Variants in HMCN1 observed in about 807,000 individuals in gnomAD.
HMCN1 encodes hemicentin 1, also known as hemicentin-1.
HMCN1 carries 321 observed loss-of-function variants against 625.9 expected under a neutral mutation model. The observed-to-expected ratio is 0.51, with a 90% CI of 0.47 to 0.56. The LOEUF is 0.56. Among genes scored for constraint, HMCN1 ranks in the 20% least tolerant of loss-of-function variants. HMCN1 has a pLI of 0.00. For missense variants in HMCN1, 6,588 were observed against 6,887.3 expected (o/e 0.96, Z 1.54); for synonymous variants, 2,425 against 2,417.6 (o/e 1.00, Z -0.09).
intron 1 of HMCN1, among the ~76,000 whole-genome samples, chr1:185,822,440 A>G (rs1373592564): frequency 6.6e-6 from 1 of 152,116 alleles, no homozygotes; most frequent in African/African-American, 2.4e-5. Flanking sequence ...GAGGCCCCCA[A>G]AACACCCAAA....
chr1:185,782,483 A>G (rs1200127219), intron 1 of HMCN1, among the ~76,000 whole-genome samples: 3 of 152,158 alleles, frequency 2.0e-5, no homozygotes, highest in Non-Finnish European at 4.4e-5. Flanking sequence ...AGTGGTTGGT[A>G]TCAGTTGTTT....
At chr1:186,036,654 G>A (rs571453712) in intron 36 of HMCN1, among the ~76,000 whole-genome samples, 10 of 151,180 alleles carry the variant, frequency 6.6e-5, no homozygotes, top group East Asian at 5.9e-4. Context: ...GCAATGGCAC[G>A]ATCTCAGCTC....
At chr1:185,975,507 C>T (rs1351889104) in intron 15 of HMCN1, among the ~76,000 whole-genome samples, 1 of 151,984 alleles carries the variant, frequency 6.6e-6, no homozygotes, top group African/African-American at 2.4e-5. Context: ...GCAATCTGCC[C>T]CTATGATCCA....
Position 186,171,371 on chromosome 1 carries a change from C to G in HMCN1, c.15609C>G (p.His5203Gln), listed in dbSNP as rs200563470. The G allele has an allele frequency of 5.0e-6, 8 of 1,613,508 alleles. No individual in the cohort carries two copies. Among genetic ancestry groups the G allele is most frequent in the Non-Finnish European group, 3.4e-6 (4 of 1,179,512 alleles). ...INECQESSPCHQRCFNAIGSF... is the reference protein window; with the variant it reads ...INECQESSPCQQRCFNAIGSF... ...AATGTCAAGAATCCAGCCCCTGTCACCAGCGCTGTTTCAATGCCATAGGAA... is the reference window on the plus strand; with the variant it reads ...AATGTCAAGAATCCAGCCCCTGTCAGCAGCGCTGTTTCAATGCCATAGGAA... The change falls in exon 101 of 107, where the codon CAC becomes CAG. Residue 5203 changes from histidine (H) to glutamine (Q), a missense_variant. This residue lies in a region of HMCN1 where 1,954 missense variants were observed against 2,013.1 expected (regional missense o/e 0.97). Coordinates refer to ENST00000271588, the MANE Select transcript of HMCN1 (RefSeq NM_031935.3).
intron 83 of HMCN1, among the ~76,000 whole-genome samples, chr1:186,129,061 T>G (rs1661791118): frequency 6.6e-6 from 1 of 151,532 alleles, no homozygotes; most frequent in African/African-American, 2.4e-5. Flanking sequence ...ACAATACATC[T>G]CACTAAGAAA....
chr1:186,115,390 T>G lies in HMCN1; in HGVS notation c.11537T>G (p.Val3846Gly). The change falls in exon 75 of 107, where the codon GTG becomes GGG. Residue 3846 changes from valine (V) to glycine (G), a missense_variant. Around this residue, in one of 3 missense-constraint regions of HMCN1, gnomAD observed 4,628 missense variants for 4,853.1 expected, o/e 0.95. Transcript: ENST00000271588. Reference sequence around the variant, plus strand: ...AGAAAAAATGGGCATCTTCTTAATGTGGATCAAAATCAGAACTCATACAGG... The same window carrying G: ...AGAAAAAATGGGCATCTTCTTAATGGGGATCAAAATCAGAACTCATACAGG... The part of the protein sequence containing the change: ...NWRKNGHLLN[V>G]DQNQNSYRLL... 1.9e-6 allele frequency: 3 copies of G among 1,613,736 alleles called. No individual in the cohort carries two copies. Among genetic ancestry groups the G allele is most frequent in the Non-Finnish European group, 2.5e-6 (3 of 1,179,910 alleles).
intron 64 of HMCN1, among the ~76,000 whole-genome samples, chr1:186,092,170 C>A (rs1021731208): frequency 2.0e-5 from 3 of 151,746 alleles, no homozygotes; most frequent in Non-Finnish European, 2.9e-5. Flanking sequence ...TTTACTTATT[C>A]TTTTATCTTT....
chr1:185,759,328 T>C (rs1432124335), intron 1 of HMCN1, among the ~76,000 whole-genome samples: 1 of 152,222 alleles, frequency 6.6e-6, no homozygotes. Context: ...CCTGTGATGT[T>C]TCCTGGAATG....
At chr1:185,942,550 GTTCATATCATACTTAAC>G (rs1668137190) in intron 11 of HMCN1, among the ~76,000 whole-genome samples, 1 of 152,168 alleles carries the variant, frequency 6.6e-6, no homozygotes, top group African/African-American at 2.4e-5. Context: ...AATTTTGGGA[GTTCATATCATACTTAAC>G]TTCATCTAAT....
At chr1:186,132,515 T>C in intron 86 of HMCN1, 106 bp downstream of exon 86, 1 of 859,920 alleles carries the variant, frequency 1.2e-6, no homozygotes, top group Non-Finnish European at 1.9e-6. Flanking sequence ...GTGGTAGCTC[T>C]CAGAGTGTGT....
chr1:185,991,134 A>G (rs1193621357), intron 22 of HMCN1, among the ~76,000 whole-genome samples: 1 of 152,178 alleles, frequency 6.6e-6, no homozygotes, highest in Non-Finnish European at 1.5e-5. Flanking sequence ...CTTGGTTACT[A>G]TTTTAACCCA....
intron 70 of HMCN1, among the ~76,000 whole-genome samples, chr1:186,108,063 A>C (rs1660703569): frequency 6.7e-6 from 1 of 150,204 alleles, no homozygotes; most frequent in African/African-American, 2.4e-5. Flanking sequence ...AAAAAAAGTC[A>C]CATGAAAAAT....
At chr1:186,092,151 C>T (rs1301643059) in intron 64 of HMCN1, among the ~76,000 whole-genome samples, 1 of 151,714 alleles carries the variant, frequency 6.6e-6, no homozygotes, top group East Asian at 1.9e-4. Context: ...CCTACATTAA[C>T]ATTCTAAATT....
At chr1:185,959,936 A>C (rs1157161215) in intron 11 of HMCN1, among the ~76,000 whole-genome samples, 2 of 151,994 alleles carry the variant, frequency 1.3e-5, no homozygotes, top group East Asian at 3.9e-4. Flanking sequence ...TAAAATGAGG[A>C]GGTTTTTCTA....
At chr1:185,888,842 G>C (rs1273592251) in intron 4 of HMCN1, among the ~76,000 whole-genome samples, 1 of 146,610 alleles carries the variant, frequency 6.8e-6, no homozygotes, top group Admixed American at 6.6e-5. Context: ...CCAATTCTGT[G>C]AAGAAAGGCA....
At chr1:185,906,354 A>G (rs1165854144) in intron 4 of HMCN1, among the ~76,000 whole-genome samples, 3 of 151,866 alleles carry the variant, frequency 2.0e-5, no homozygotes, top group African/African-American at 7.2e-5. Flanking sequence ...AAGTAATATT[A>G]TGATACATGG....
In HMCN1 at chr1:186,053,088, C is replaced by T; in HGVS notation, c.6700+14C>T. Reference sequence around the variant, plus strand: ...GGAAGAAGAAAGGTCAGTTTTCATCCTTGAAATTTATAAAATTAAAGAAAA... The same window carrying T: ...GGAAGAAGAAAGGTCAGTTTTCATCTTTGAAATTTATAAAATTAAAGAAAA... On this transcript the variant is annotated intron_variant, in intron 43 of 106. Coordinates refer to ENST00000271588, the MANE Select transcript of HMCN1 (RefSeq NM_031935.3). 5.0e-6 allele frequency: 8 copies of T among 1,601,068 alleles called. No individual in the cohort carries two copies. The highest frequency in any genetic ancestry group is 6.8e-6 in the Non-Finnish European group (8 of 1,169,630).
At chr1:186,038,758 C>T (rs570557099) in intron 37 of HMCN1, 71 bp from the exon 38 acceptor site, 2 of 851,444 alleles carry the variant, frequency 2.3e-6, no homozygotes, top group Non-Finnish European at 4.1e-6. Context: ...AGTGACTTAG[C>T]TAAGATCCAA....
intron 11 of HMCN1, among the ~76,000 whole-genome samples, chr1:185,960,586 G>T (rs2102553742): frequency 6.6e-6 from 1 of 152,226 alleles, no homozygotes; most frequent in Middle Eastern, 3.4e-3. Flanking sequence ...TCTGCATCCT[G>T]GTTTGGGTAA....
Sources: allele counts gnomAD v4.1 joint callset (sites outside exome capture counted in the v4.1 genomes callset), GRCh38; gene constraint gnomAD v4.1.1; regional missense constraint gnomAD v4.1.1; transcripts MANE v1.5; gene names NCBI Gene and HGNC (gene_info 2026-07-23, HGNC 2026-07-21).